Variants in MBOAT2 observed in about 807,000 individuals in gnomAD.
MBOAT2 encodes membrane-bound glycerophospholipid O-acyltransferase 2.
A neutral mutation model predicts 63.4 loss-of-function variants in MBOAT2; 28 were observed. That is an observed-to-expected ratio of 0.44 (90% confidence interval 0.33 to 0.61). MBOAT2 has a LOEUF of 0.61. Ranked by LOEUF, MBOAT2 falls within the 20% of genes least tolerant of loss-of-function variation. The pLI, the probability that MBOAT2 is intolerant of heterozygous loss-of-function variation, is 0.03. For missense variants in MBOAT2, 470 were observed against 605.8 expected, an observed-to-expected ratio of 0.78 and a Z score of 2.35; for synonymous variants, 211 against 215.6, an observed-to-expected ratio of 0.98 and a Z score of 0.19.
chr2:8,970,039 C>T (rs1412330787), intron 1 of MBOAT2, among the ~76,000 whole-genome samples: 2 of 152,198 alleles, frequency 1.3e-5, no homozygotes, highest in East Asian at 3.8e-4. Context: ...TCTAACAGAA[C>T]TCTCCACCCC....
intron 1 of MBOAT2, among the ~76,000 whole-genome samples, chr2:8,981,587 C>T (rs1305880332): frequency 3.3e-5 from 5 of 151,966 alleles, no homozygotes; most frequent in Non-Finnish European, 5.9e-5. Flanking sequence ...GAGCTGGTTT[C>T]AAATGAGCTG....
rs182163811 is a variant in MBOAT2 at position 8,891,633 on chromosome 2, T to C, written c.396-3560A>G. On this transcript the variant is annotated intron_variant, in intron 4 of 12. Coordinates refer to ENST00000305997, the MANE Select transcript of MBOAT2 (RefSeq NM_138799.4). ...TTAACTATTAAATATCTGTTGACTT[T>C]GTATTAATGGAGCTTCAGTATCTAA... Among the ~76,000 whole-genome samples the C allele has an allele frequency of 2.6e-5, 4 of 152,356 alleles. No homozygotes were observed. In the East Asian group the frequency reaches 5.8e-4, roughly 22 times the overall value.
intron 1 of MBOAT2, among the ~76,000 whole-genome samples, chr2:9,002,851 G>A (rs1672800494): frequency 6.6e-6 from 1 of 152,168 alleles, no homozygotes; most frequent in African/African-American, 2.4e-5. Context: ...TAAAGTGGCT[G>A]CATCAATCTA....
intron 1 of MBOAT2, among the ~76,000 whole-genome samples, chr2:8,994,491 A>T (rs1453932535): frequency 2.0e-5 from 3 of 152,198 alleles, no homozygotes. Context: ...GCTGTACAGA[A>T]ACAGGACAGG....
In MBOAT2 at chr2:8,987,757, G is replaced by A. The variant is rs531961318; in HGVS notation, c.75+15783C>T. On this transcript the variant is annotated intron_variant, in intron 1 of 12. Transcript: ENST00000305997. ...TATGCCCTGGGATTCCTCACAACGT[G>A]GTGGCTGCGTTACAAAAATTTTATG... Among the ~76,000 whole-genome samples, 87 of 152,172 alleles carry A rather than the reference G, an allele frequency of 5.7e-4. 1 individual carries two copies. The highest frequency in any genetic ancestry group is 1.6e-3 in the Admixed American group (24 of 15,282).
At chr2:8,904,923 T>C (rs1392496978) in intron 4 of MBOAT2, among the ~76,000 whole-genome samples, 2 of 152,156 alleles carry the variant, frequency 1.3e-5, no homozygotes, top group South Asian at 2.1e-4. Context: ...GAAACTTGTA[T>C]TATGTATTAT....
intron 2 of MBOAT2, among the ~76,000 whole-genome samples, chr2:8,945,827 A>G (rs917849229): frequency 4.0e-5 from 6 of 149,734 alleles, no homozygotes; most frequent in African/African-American, 9.8e-5. Context: ...TTATTTTTAG[A>G]AAAAAAAAAG....
chr2:9,000,888 TAAC>T (rs1672637615), intron 1 of MBOAT2, among the ~76,000 whole-genome samples: 2 of 152,268 alleles, frequency 1.3e-5, no homozygotes, highest in Non-Finnish European at 2.9e-5. Flanking sequence ...TCTTTTATAA[TAAC>T]AGCGTAAAAC....
chr2:8,900,522 CA>C (rs1664838204), intron 4 of MBOAT2, among the ~76,000 whole-genome samples: 1 of 152,086 alleles, frequency 6.6e-6, no homozygotes. Context: ...CAGGTTGGGC[CA>C]AATTTCCCTC....
chr2:8,919,747 A>C (rs186353495), intron 3 of MBOAT2, among the ~76,000 whole-genome samples: 2 of 152,084 alleles, frequency 1.3e-5, no homozygotes, highest in East Asian at 3.9e-4. Context: ...TTTTTATTTT[A>C]TTATGATTCA....
chr2:8,941,161 A>C (rs1668025090), intron 3 of MBOAT2, among the ~76,000 whole-genome samples: 1 of 152,222 alleles, frequency 6.6e-6, no homozygotes, highest in Non-Finnish European at 1.5e-5. Flanking sequence ...AAGGGAGCTA[A>C]AAAAGAGATT....
intron 7 of MBOAT2, among the ~76,000 whole-genome samples, chr2:8,875,595 C>T (rs1038070096): frequency 6.6e-6 from 1 of 152,198 alleles, no homozygotes; most frequent in Non-Finnish European, 1.5e-5. Context: ...AAGTGATGTG[C>T]CGAAATGATG....
chr2:8,889,342 C>G (rs1468994297), intron 4 of MBOAT2, among the ~76,000 whole-genome samples: 1 of 152,204 alleles, frequency 6.6e-6, no homozygotes, highest in African/African-American at 2.4e-5. Flanking sequence ...CAGACCTGGG[C>G]CCTTGAGAAG....
intron 4 of MBOAT2, among the ~76,000 whole-genome samples, chr2:8,895,717 G>C (rs990385450): frequency 6.6e-6 from 1 of 152,226 alleles, no homozygotes; most frequent in Non-Finnish European, 1.5e-5. Context: ...TAGGAGCGAA[G>C]AAGGGGCCCT....
chr2:8,983,428 C>A (rs1671340038), intron 1 of MBOAT2, among the ~76,000 whole-genome samples: 1 of 152,088 alleles, frequency 6.6e-6, no homozygotes, highest in African/African-American at 2.4e-5. Context: ...AAAAAAACAT[C>A]TCTAGGCCCA....
At chr2:8,921,555 T>A (rs1029937274) in intron 3 of MBOAT2, among the ~76,000 whole-genome samples, 3 of 152,246 alleles carry the variant, frequency 2.0e-5, no homozygotes, top group African/African-American at 7.2e-5. Flanking sequence ...TTCCTTCCTA[T>A]GGACTTCCTT....
In MBOAT2 at chr2:8,856,062, C is replaced by G. The variant is rs1291001683; in HGVS notation, c.*2617G>C. 1.3e-5 allele frequency: 2 copies of G among 151,972 alleles called. No homozygotes were observed. Among genetic ancestry groups the G allele is most frequent in the Non-Finnish European group, 2.9e-5 (2 of 67,974 alleles). 9.4% of individuals were successfully genotyped at this position (151,972 alleles called of 1,614,324 possible). On this transcript the variant is annotated 3_prime_UTR_variant, in exon 13 of 13. Coordinates refer to ENST00000305997, the MANE Select transcript of MBOAT2 (RefSeq NM_138799.4). The surrounding 1 kb of genome is among the most constrained non-coding windows in gnomAD (Gnocchi z 4.2). Reference sequence around the variant, plus strand: ...TTCTCCAAACTAGAGGAGAGATATCCAAAAACCATTTCATGAAAATAACTA... The same window carrying G: ...TTCTCCAAACTAGAGGAGAGATATCGAAAAACCATTTCATGAAAATAACTA...
At chr2:8,955,508 T>C (rs796776475) in intron 2 of MBOAT2, among the ~76,000 whole-genome samples, 17 of 152,322 alleles carry the variant, frequency 1.1e-4, no homozygotes, top group African/African-American at 3.8e-4. Flanking sequence ...ACAATTCTGG[T>C]GAATTCCTGT....
intron 1 of MBOAT2, among the ~76,000 whole-genome samples, chr2:9,000,610 G>C (rs762667057): frequency 4.6e-5 from 7 of 152,084 alleles, no homozygotes; most frequent in Non-Finnish European, 1.0e-4. Context: ...GCATCATTAG[G>C]CAATTTTGTT....
Sources: gnomAD v4.1 joint callset for allele counts (sites outside exome capture counted in the v4.1 genomes callset) on GRCh38, gnomAD v4.1.1 for gene constraint, Gnocchi (gnomAD v3.1) non-coding constraint, MANE v1.5 for transcripts, NCBI Gene and HGNC (gene_info 2026-07-23, HGNC 2026-07-21) for gene names.